The following ADRA1A variants were observed in gnomAD, a reference collection of about 807,000 sequenced individuals.
The protein encoded by ADRA1A is alpha-1A adrenergic receptor.
A neutral mutation model predicts 29.6 loss-of-function variants in ADRA1A; 31 were observed. The observed-to-expected ratio is 1.05, with a 90% CI of 0.79 to 1.41. The LOEUF is 1.41. Among genes scored for constraint, ADRA1A ranks in the 40% most tolerant of loss-of-function variants. ADRA1A has a pLI of 0.00. For missense variants in ADRA1A, 619 were observed against 601.1 expected, an observed-to-expected ratio of 1.03 and a Z score of -0.31; for synonymous variants, 311 against 254.3, an observed-to-expected ratio of 1.22 and a Z score of -2.12.
At chr8:26,771,080 C>T (rs561084846) in intron 2 of ADRA1A, among the ~76,000 whole-genome samples, 16 of 152,328 alleles carry the variant, frequency 1.1e-4, no homozygotes, top group Admixed American at 7.2e-4. Context: ...GCCCTTTATT[C>T]TCTGATGCAG....
chr8:26,850,891 G>A (rs1007632212), intron 2 of ADRA1A, among the ~76,000 whole-genome samples: 7 of 152,152 alleles, frequency 4.6e-5, no homozygotes, highest in Admixed American at 1.3e-4. Context: ...AGTCTCTGTA[G>A]CATCTACCCA....
intron 2 of ADRA1A, among the ~76,000 whole-genome samples, chr8:26,847,644 T>G (rs1236949895): frequency 6.6e-6 from 1 of 152,236 alleles, no homozygotes; most frequent in African/African-American, 2.4e-5. Context: ...TGTTCCCTTT[T>G]CAAACCCTTT....
Position 26,805,583 on chromosome 8 carries a change from C to G in ADRA1A, c.884-34917G>C, listed in dbSNP as rs2036108. On this transcript the variant is annotated intron_variant, in intron 2 of 2. Transcript: ENST00000380573. This position sits in a 1 kb window ranked among gnomAD's most constrained non-coding sequence, Gnocchi z 4.8. The stretch of plus-strand genomic sequence containing the variant: ...AAGACATTAGTGTTATTACAGATTA[C>G]GAAACAGGCATGAGAGGCTAAGTAA... 2.8e-3 allele frequency among the ~76,000 whole-genome samples: 422 copies of G among 152,122 alleles called. 8 individuals are homozygous for G. The highest frequency in any genetic ancestry group is 0.024 in the Admixed American group (360 of 15,278).
chr8:26,776,055 C>T (rs1806524703), intron 2 of ADRA1A, among the ~76,000 whole-genome samples: 2 of 152,152 alleles, frequency 1.3e-5, no homozygotes, highest in Admixed American at 1.3e-4. Context: ...CGACTAGAGT[C>T]ACCTTTTACA....
chr8:26,750,689 A>T (rs970019270), intron 2 of ADRA1A, among the ~76,000 whole-genome samples: 3 of 152,232 alleles, frequency 2.0e-5, no homozygotes, highest in Admixed American at 2.0e-4. Context: ...GATACAAGCA[A>T]GTTGGGTATA....
chr8:26,751,811 C>G (rs1466636473), downstream of ADRA1A, among the ~76,000 whole-genome samples: 1 of 152,182 alleles, frequency 6.6e-6, no homozygotes, highest in Non-Finnish European at 1.5e-5. Context: ...ATGTATCGGT[C>G]CAATGAGGAA....
chr8:26,801,146 A>G (rs150533864), intron 2 of ADRA1A, among the ~76,000 whole-genome samples: 15 of 152,310 alleles, frequency 9.8e-5, no homozygotes, highest in South Asian at 2.1e-4. Flanking sequence ...TAAAAGCCAT[A>G]TATGACAGAC....
chr8:26,748,694 A>T (rs1804796512), exon 3 of ADRA1A: 1 of 373,804 alleles, frequency 2.7e-6, no homozygotes, highest in African/African-American at 2.2e-5. Flanking sequence ...CGGAGGTTGC[A>T]GTGAGCCAAG....
At position 26,796,148 on chromosome 8, in the gene ADRA1A, C is replaced by T. The variant is rs62492214; in HGVS notation, c.884-25482G>A. On this transcript the variant is annotated intron_variant, in intron 2 of 2. Coordinates refer to ENST00000380573, the MANE Select transcript of ADRA1A (RefSeq NM_000680.4). This position sits in a 1 kb window ranked among gnomAD's most constrained non-coding sequence, Gnocchi z 5.0. ...CTCTCTAGAATTTGCTTCCAAAGAA[C>T]CTGAGTGGAGTGAGAAATCTGAATA... 0.057 allele frequency among the ~76,000 whole-genome samples: 8,625 copies of T among 151,984 alleles called. 236 individuals are homozygous for T. The highest frequency in any genetic ancestry group is 0.086 in the Middle Eastern group (25 of 292).
chr8:26,783,226 T>C (rs1396147056), intron 2 of ADRA1A, among the ~76,000 whole-genome samples: 2 of 152,200 alleles, frequency 1.3e-5, no homozygotes, highest in Non-Finnish European at 2.9e-5. Context: ...TGAAAACTTA[T>C]TAGGCCCGGG....
chr8:26,862,104 T>G (rs1813516812), intron 2 of ADRA1A, among the ~76,000 whole-genome samples: 1 of 152,216 alleles, frequency 6.6e-6, no homozygotes, highest in African/African-American at 2.4e-5. Context: ...ACTTTGGTGT[T>G]GTCTATCTCT....
In ADRA1A at chr8:26,865,319, C is replaced by G; in HGVS notation, c.-350G>C. 2.7e-6 allele frequency: 3 copies of G among 1,111,874 alleles called. No homozygotes were observed. The highest frequency in any genetic ancestry group is 3.3e-6 in the Non-Finnish European group (3 of 910,486). The allele number at this position is 1,111,874 out of a possible 1,614,324, so 68.9% of individuals were successfully genotyped here. ...AGGAGACTCCTTGCAACATGCAATT[C>G]CAGAATTACGAGAATCTGCTTTTCC... On this transcript the variant is annotated 5_prime_UTR_variant, in exon 2 of 3. Transcript: ENST00000380573. This position sits in a 1 kb window ranked among gnomAD's most constrained non-coding sequence, Gnocchi z 7.6.
chr8:26,816,568 T>C lies in ADRA1A; in HGVS notation c.884-45902A>G, dbSNP rs537304574. 1.6e-3 allele frequency among the ~76,000 whole-genome samples: 237 copies of C among 148,154 alleles called. 2 individuals are homozygous for C. The highest frequency in any genetic ancestry group is 5.7e-3 in the African/African-American group (228 of 40,044). ...GTGTGTGTGTGTGTGTGTGTGTGTG[T>C]GCATCCACATTGTGTGCACACGCTC... is the stretch of plus-strand genomic sequence containing the variant. On this transcript the variant is annotated intron_variant, in intron 2 of 2. Transcript: ENST00000380573.
intron 2 of ADRA1A, among the ~76,000 whole-genome samples, chr8:26,846,830 C>A (rs1468550128): frequency 6.6e-6 from 1 of 152,090 alleles, no homozygotes; most frequent in Admixed American, 6.5e-5. Context: ...AAATGTCCAA[C>A]AATGATAGAC....
chr8:26,777,114 C>T (rs1806602997), intron 2 of ADRA1A, among the ~76,000 whole-genome samples: 1 of 152,188 alleles, frequency 6.6e-6, no homozygotes, highest in African/African-American at 2.4e-5. Flanking sequence ...TACCAGATGC[C>T]TTTGTGCTGA....
chr8:26,836,881 G>T (rs1811407356), intron 2 of ADRA1A, among the ~76,000 whole-genome samples: 1 of 152,160 alleles, frequency 6.6e-6, no homozygotes, highest in Non-Finnish European at 1.5e-5. Flanking sequence ...GAGTGCTTAG[G>T]TCCCTTCAGA....
chr8:26,841,147 A>C lies in ADRA1A; in HGVS notation c.883+22940T>G, dbSNP rs1811789125. Among the ~76,000 whole-genome samples, 1 of 152,200 alleles carries C rather than the reference A, an allele frequency of 6.6e-6. No individual in the cohort carries two copies. The highest frequency in any genetic ancestry group is 1.9e-4 in the East Asian group (1 of 5,194). ...AGAATCAAAATGCCCAACTGCCCCC[A>C]AATGTTCACATGGATTCAATGAAAT... is the stretch of plus-strand genomic sequence containing the variant. On this transcript the variant is annotated intron_variant, in intron 2 of 2. Coordinates refer to ENST00000380573, the MANE Select transcript of ADRA1A (RefSeq NM_000680.4). This position sits in a 1 kb window ranked among gnomAD's most constrained non-coding sequence, Gnocchi z 4.4.
At chr8:26,757,147 T>G in intron 2 of ADRA1A, 1 of 702,326 alleles carries the variant, frequency 1.4e-6, no homozygotes, top group Non-Finnish European at 2.6e-6. Context: ...ACTGTGTTTA[T>G]ATAAAGCAGA....
In ADRA1A at chr8:26,800,156, G is replaced by A. The variant is rs572950131; in HGVS notation, c.884-29490C>T. On this transcript the variant is annotated intron_variant, in intron 2 of 2. Coordinates refer to ENST00000380573, the MANE Select transcript of ADRA1A (RefSeq NM_000680.4). ...TGCCTGTAATTCCAGCTACTTGGGA[G>A]GCTGAGGCAAGAGAATTGCTTGAAC... Among the ~76,000 whole-genome samples the A allele has an allele frequency of 2.0e-5, 3 of 152,270 alleles. No individual in the cohort carries two copies. The East Asian group carries it at 5.8e-4, about 29-fold the overall frequency.
Sources: gnomAD v4.1 joint callset for allele counts (sites outside exome capture counted in the v4.1 genomes callset) on GRCh38, gnomAD v4.1.1 for gene constraint, Gnocchi (gnomAD v3.1) non-coding constraint, MANE v1.5 for transcripts, NCBI Gene and HGNC (gene_info 2026-07-23, HGNC 2026-07-21) for gene names.